FKTN: variants seen among roughly 807,000 people sequenced by gnomAD.
FKTN encodes fukutin.
In FKTN, 47 loss-of-function variants were observed where a neutral mutation model predicts 58.6. The ratio of observed to expected loss-of-function variants is 0.80; its 90% CI spans 0.63 to 1.02. The LOEUF (loss-of-function observed/expected upper bound fraction) is 1.02. Among genes scored for constraint, FKTN ranks in the 50% least tolerant of loss-of-function variants. The pLI is 0.00. For missense variants in FKTN, 516 were observed against 537.3 expected, an observed-to-expected ratio of 0.96 and a Z score of 0.39; for synonymous variants, 178 against 191.9, an observed-to-expected ratio of 0.93 and a Z score of 0.60.
chr9:105,630,473 AGAAAGTTTGC>A (rs1367800539), intron 10 of FKTN, among the ~76,000 whole-genome samples: 1 of 152,204 alleles, frequency 6.6e-6, no homozygotes, highest in Non-Finnish European at 1.5e-5. Context: ...ACTAAAACCT[AGAAAGTTTGC>A]TGCAAAGTTT....
intron 10 of FKTN, among the ~76,000 whole-genome samples, chr9:105,624,581 C>T (rs888575492): frequency 7.1e-6 from 1 of 141,392 alleles, no homozygotes; most frequent in Non-Finnish European, 1.5e-5. Context: ...CAGTGAGCCA[C>T]ATTTGCACCA....
At chr9:105,581,876 G>A (rs1211910807) in intron 3 of FKTN, among the ~76,000 whole-genome samples, 1 of 152,214 alleles carries the variant, frequency 6.6e-6, no homozygotes, top group Non-Finnish European at 1.5e-5. Context: ...GTGGTGCACT[G>A]TTTTTTAAGC....
intron 6 of FKTN, among the ~76,000 whole-genome samples, chr9:105,606,804 T>C (rs938296294): frequency 1.3e-5 from 2 of 151,650 alleles, no homozygotes; most frequent in Non-Finnish European, 3.0e-5. Flanking sequence ...AACTGAAGTC[T>C]TCTATATTTT....
At chr9:105,623,202 A>G (rs995523255) in intron 10 of FKTN, 4 of 152,194 alleles carry the variant, frequency 2.6e-5, no homozygotes, top group Non-Finnish European at 4.4e-5. Flanking sequence ...TGGTATGGGT[A>G]GAAGCCAGAA....
chr9:105,583,523 C>T (rs1843391230), intron 3 of FKTN, among the ~76,000 whole-genome samples: 1 of 152,072 alleles, frequency 6.6e-6, no homozygotes, highest in African/African-American at 2.4e-5. Flanking sequence ...TGTATTCTTA[C>T]TTCTTCTTAT....
At chr9:105,631,640 T>G (rs1440517076) in intron 10 of FKTN, among the ~76,000 whole-genome samples, 2 of 151,842 alleles carry the variant, frequency 1.3e-5, no homozygotes, top group Non-Finnish European at 1.5e-5. Context: ...AAAAAGACAT[T>G]TATGCAGCCA....
In FKTN at chr9:105,578,778, C is replaced by T. The variant is rs372317098; in HGVS notation, c.105+3641C>T. On this transcript the variant is annotated intron_variant, in intron 3 of 10. Coordinates refer to ENST00000357998, the MANE Select transcript of FKTN (RefSeq NM_001079802.2). ...TCCTCCTTGTACCTCTGGTAGAATT[C>T]GGCTGTGAATCCATCTGGTCCTGGA... is the stretch of plus-strand genomic sequence containing the variant. Among the ~76,000 whole-genome samples the T allele has an allele frequency of 9.8e-4, 148 of 151,136 alleles. 1 individual carries two copies. In the East Asian group the frequency reaches 0.022, roughly 22 times the overall value.
At chr9:105,585,653 T>C (rs1465826967) in intron 3 of FKTN, among the ~76,000 whole-genome samples, 1 of 152,168 alleles carries the variant, frequency 6.6e-6, no homozygotes, top group Non-Finnish European at 1.5e-5. Context: ...TCTTCTGACA[T>C]AGGAAGAGAA....
chr9:105,627,937 G>T (rs963442989), intron 10 of FKTN, among the ~76,000 whole-genome samples: 3 of 152,114 alleles, frequency 2.0e-5, no homozygotes, highest in African/African-American at 7.2e-5. Flanking sequence ...GGTGACACTG[G>T]GTTGATGACT....
intron 3 of FKTN, among the ~76,000 whole-genome samples, chr9:105,589,151 A>C (rs1587992280): frequency 6.6e-6 from 1 of 152,198 alleles, no homozygotes; most frequent in African/African-American, 2.4e-5. Flanking sequence ...ATCTGTTTAC[A>C]AAGCTATTTA....
Position 105,640,087 on chromosome 9 carries a change from T to G in FKTN, c.*4823T>G. ...TACTTTCTGCCCTCAAATTTCTGTTTCTATCTCAACTAGGCAAGAATCAGC... is the reference window on the plus strand; with the variant it reads ...TACTTTCTGCCCTCAAATTTCTGTTGCTATCTCAACTAGGCAAGAATCAGC... On this transcript the variant is annotated 3_prime_UTR_variant, in exon 11 of 11. Transcript: ENST00000357998. The G allele has an allele frequency of 3.3e-6, 5 of 1,535,292 alleles. No individual in the cohort carries two copies. Among genetic ancestry groups the G allele is most frequent in the Non-Finnish European group, 4.4e-6 (5 of 1,146,550 alleles).
At chr9:105,634,268 A>G (rs1419850314) in intron 10 of FKTN, among the ~76,000 whole-genome samples, 1 of 151,908 alleles carries the variant, frequency 6.6e-6, no homozygotes, top group African/African-American at 2.4e-5. Flanking sequence ...AGTAGCTGGG[A>G]CGACAGGAGT....
intron 3 of FKTN, among the ~76,000 whole-genome samples, chr9:105,578,208 T>A (rs1275927961): frequency 6.7e-6 from 1 of 149,936 alleles, no homozygotes; most frequent in Non-Finnish European, 1.5e-5. Flanking sequence ...AACACTATGT[T>A]GAATAGGAGT....
Position 105,563,600 on chromosome 9 carries a change from G to C in FKTN, c.-181+5435G>C, listed in dbSNP as rs532188132. On this transcript the variant is annotated intron_variant, in intron 1 of 10. Coordinates refer to ENST00000357998, the MANE Select transcript of FKTN (RefSeq NM_001079802.2). ...GAACTGCAACGTGGCAGCGAGGCTG[G>C]GGGGGGGGGCACCCGCCATTGCTGA... Among the ~76,000 whole-genome samples, 20 of 82,500 alleles carry C rather than the reference G, an allele frequency of 2.4e-4. No individual in the cohort carries two copies. The East Asian group carries it at 0.028, about 114-fold the overall frequency. The allele number at this position is 82,500 out of a possible 152,430, so 54.1% of individuals were successfully genotyped here.
intron 3 of FKTN, among the ~76,000 whole-genome samples, chr9:105,582,695 C>A (rs1587945687): frequency 6.6e-6 from 1 of 152,112 alleles, no homozygotes; most frequent in Non-Finnish European, 1.5e-5. Context: ...ACATCTTCAA[C>A]CCTTTCCTCA....
At chr9:105,581,453 C>T (rs375801755) in intron 3 of FKTN, among the ~76,000 whole-genome samples, 2 of 145,888 alleles carry the variant, frequency 1.4e-5, no homozygotes, top group Admixed American at 6.8e-5. Context: ...GCCCCTGCTG[C>T]GGGGTGCCTC....
intron 4 of FKTN, chr9:105,596,860 G>T (rs920669018): frequency 1.2e-5 from 7 of 579,064 alleles, no homozygotes; most frequent in Admixed American, 3.0e-5. Context: ...AGTTTAAGAA[G>T]TGAGTAAATA....
At chr9:105,629,784 GAACC>G (rs1270600777) in intron 10 of FKTN, among the ~76,000 whole-genome samples, 1 of 152,054 alleles carries the variant, frequency 6.6e-6, no homozygotes, top group Non-Finnish European at 1.5e-5. Context: ...CAAAGACTTG[GAACC>G]AACCCAAATG....
At chr9:105,601,464 T>G in intron 5 of FKTN, 116 bp downstream of exon 5, 1 of 695,810 alleles carries the variant, frequency 1.4e-6, no homozygotes, top group Non-Finnish European at 2.5e-6. Flanking sequence ...TTATAAATTG[T>G]ATCAGGAATA....
Sources: allele counts gnomAD v4.1 joint callset (sites outside exome capture counted in the v4.1 genomes callset), GRCh38; gene constraint gnomAD v4.1.1; transcripts MANE v1.5; gene names NCBI Gene and HGNC (gene_info 2026-07-23, HGNC 2026-07-21).